The following STK33 variants were observed in gnomAD, a reference collection of about 807,000 sequenced individuals.
STK33 encodes serine/threonine-protein kinase 33.
A neutral mutation model predicts 58.0 loss-of-function variants in STK33; 52 were observed. The observed-to-expected ratio is 0.90, with a 90% CI of 0.72 to 1.13. STK33 has a LOEUF of 1.13. Among genes scored for constraint, STK33 ranks in the 50% most tolerant of loss-of-function variants. The pLI is 0.00. For missense variants in STK33, 630 were observed against 604.2 expected (o/e 1.04, Z -0.45); for synonymous variants, 215 against 200.1 (o/e 1.07, Z -0.63).
chr11:8,484,182 GC>G (rs534780322), intron 1 of STK33, among the ~76,000 whole-genome samples: 113 of 152,244 alleles, frequency 7.4e-4, no homozygotes, highest in African/African-American at 2.7e-3. Flanking sequence ...TGTTGTCTCA[GC>G]CCCCACATAT....
At chr11:8,459,919 G>T (rs893980571) in intron 8 of STK33, among the ~76,000 whole-genome samples, 4 of 152,180 alleles carry the variant, frequency 2.6e-5, no homozygotes, top group Admixed American at 2.0e-4. Flanking sequence ...ACAATCACTG[G>T]AGCTTACACA....
At chr11:8,335,414 A>G in the STK33 span, among the ~76,000 whole-genome samples, 1 of 152,190 alleles carries the variant, frequency 6.6e-6, no homozygotes. Flanking sequence ...CATGCAGGAC[A>G]ATGGCCATTG....
At position 8,483,566 on chromosome 11, in the gene STK33, CAG is replaced by C. The variant is rs1402844381; in HGVS notation, c.-465-2954_-465-2953del. ...CTAATCAGACACAGGTTTTAGTGAA[CAG>C]AGAGTGGCCACCAAATTCAACACTA... is the stretch of plus-strand genomic sequence containing the variant. On this transcript the variant is annotated intron_variant, in intron 1 of 15. Coordinates refer to ENST00000687296, the MANE Select transcript of STK33 (RefSeq NM_001352389.2). Among the ~76,000 whole-genome samples, 7 of 152,090 alleles carry C rather than the reference CAG, an allele frequency of 4.6e-5. No individual in the cohort carries two copies. The South Asian group carries it at 8.3e-4, about 18-fold the overall frequency.
intron 1 of STK33, among the ~76,000 whole-genome samples, chr11:8,512,320 A>G (rs1454873167): frequency 8.1e-6 from 1 of 123,910 alleles, no homozygotes; most frequent in Non-Finnish European, 1.7e-5. Context: ...TTGTGGAAAT[A>G]GAGGGTAGAT....
At chr11:8,547,678 G>T (rs1012190295) in intron 1 of STK33, among the ~76,000 whole-genome samples, 3 of 152,148 alleles carry the variant, frequency 2.0e-5, no homozygotes, top group Non-Finnish European at 4.4e-5. Context: ...GTAGGTTGTT[G>T]CTTCACTCTG....
At chr11:8,534,527 T>C (rs1954809736) in intron 1 of STK33, among the ~76,000 whole-genome samples, 3 of 143,756 alleles carry the variant, frequency 2.1e-5, no homozygotes, top group South Asian at 4.6e-4. Flanking sequence ...AGCAAGTATA[T>C]ATATTTCTCT....
intron 1 of STK33, among the ~76,000 whole-genome samples, chr11:8,585,110 A>G (rs1462119890): frequency 6.6e-6 from 1 of 151,596 alleles, no homozygotes; most frequent in Non-Finnish European, 1.5e-5. Flanking sequence ...TTTATTAGGG[A>G]CGAGGTTTCA....
chr11:8,564,643 G>A (rs750754836), intron 1 of STK33, among the ~76,000 whole-genome samples: 24 of 152,172 alleles, frequency 1.6e-4, no homozygotes, highest in Non-Finnish European at 3.1e-4. Flanking sequence ...GTTAACCACA[G>A]ATGGACCCTG....
the STK33 span, among the ~76,000 whole-genome samples, chr11:8,376,059 C>G: frequency 6.6e-6 from 1 of 152,224 alleles, no homozygotes; most frequent in Non-Finnish European, 1.5e-5. Flanking sequence ...CATTCCTTTG[C>G]TTCCTTCCAG....
intron 1 of STK33, among the ~76,000 whole-genome samples, chr11:8,592,620 T>C (rs2032798649): frequency 6.6e-6 from 1 of 152,152 alleles, no homozygotes; most frequent in Non-Finnish European, 1.5e-5. Flanking sequence ...ACTGTTTTTT[T>C]ATTTTTTTTT....
chr11:8,442,292 T>C (rs767245753), intron 11 of STK33, among the ~76,000 whole-genome samples: 1 of 152,202 alleles, frequency 6.6e-6, no homozygotes, highest in Non-Finnish European at 1.5e-5. Flanking sequence ...TCTTTAAATA[T>C]GGAATTTTTA....
Position 8,392,730 on chromosome 11 carries a change from A to T in STK33, c.1345-20T>A. The T allele has an allele frequency of 6.2e-7, 1 of 1,612,868 alleles. No individual in the cohort carries two copies. Among genetic ancestry groups the T allele is most frequent in the Non-Finnish European group, 8.5e-7 (1 of 1,179,144 alleles). ...AGTAGACTGCAAATAAAAGGTCTTGATTAATTTTCAGACACAAAGCAATGC... is the reference window on the plus strand; with the variant it reads ...AGTAGACTGCAAATAAAAGGTCTTGTTTAATTTTCAGACACAAAGCAATGC... On this transcript the variant is annotated intron_variant, in intron 15 of 15. Coordinates refer to ENST00000687296, the MANE Select transcript of STK33 (RefSeq NM_001352389.2).
intron 1 of STK33, among the ~76,000 whole-genome samples, chr11:8,529,385 T>C (rs1954328640): frequency 6.6e-6 from 1 of 152,052 alleles, no homozygotes; most frequent in African/African-American, 2.4e-5. Context: ...CTCTGCTAAG[T>C]CAAAAGATAT....
chr11:8,545,081 A>G (rs1955812460), intron 1 of STK33, among the ~76,000 whole-genome samples: 3 of 152,220 alleles, frequency 2.0e-5, no homozygotes, highest in African/African-American at 7.2e-5. Context: ...TTTTAATAAA[A>G]TCTTACAAAT....
At chr11:8,390,666 G>A (rs926468504), downstream of STK33, among the ~76,000 whole-genome samples, 6 of 152,182 alleles carry the variant, frequency 3.9e-5, no homozygotes, top group East Asian at 1.9e-4. Context: ...ATGGAGGGGC[G>A]TTAATAGAAT....
chr11:8,336,510 C>T, the STK33 span, among the ~76,000 whole-genome samples: 1 of 152,230 alleles, frequency 6.6e-6, no homozygotes, highest in Non-Finnish European at 1.5e-5. Context: ...CACCCAGCTT[C>T]CTAAAACTCC....
chr11:8,365,344 C>T, the STK33 span, among the ~76,000 whole-genome samples: 2 of 152,312 alleles, frequency 1.3e-5, no homozygotes, highest in Admixed American at 1.3e-4. Flanking sequence ...ACCTTCCCTC[C>T]CTGCCGGACA....
chr11:8,489,288 GA>G (rs1950419972), intron 1 of STK33, among the ~76,000 whole-genome samples: 3 of 127,844 alleles, frequency 2.3e-5, no homozygotes, highest in Non-Finnish European at 5.2e-5. Flanking sequence ...AAAAAAGAAA[GA>G]AAAGAAAAGA....
chr11:8,516,057 C>T (rs1039650828), intron 1 of STK33, among the ~76,000 whole-genome samples: 7 of 152,154 alleles, frequency 4.6e-5, no homozygotes, highest in African/African-American at 1.7e-4. Context: ...AAAAAGAAAG[C>T]AATCCTAAAA....
Sources: gnomAD v4.1 joint callset for allele counts (sites outside exome capture counted in the v4.1 genomes callset) on GRCh38, gnomAD v4.1.1 for gene constraint, MANE v1.5 for transcripts, NCBI Gene and HGNC (gene_info 2026-07-23, HGNC 2026-07-21) for gene names.